The following MAPK6 variants were observed in gnomAD, a reference collection of about 807,000 sequenced individuals.
The protein encoded by MAPK6 is ERK-3.
A neutral mutation model predicts 59.3 loss-of-function variants in MAPK6; 19 were observed. The observed-to-expected ratio is 0.32, with a 90% CI of 0.22 to 0.47. The LOEUF (loss-of-function observed/expected upper bound fraction) is 0.47. Ranked by LOEUF, MAPK6 falls within the 20% of genes least tolerant of loss-of-function variation. MAPK6 has a pLI of 1.00. For synonymous variants in MAPK6, 316 were observed against 290.3 expected (o/e 1.09, Z -0.90); for missense variants, 724 against 847.9 (o/e 0.85, Z 1.81).
chr15:51,989,897 C>T (rs2141815410), intron 2 of MAPK6, among the ~76,000 whole-genome samples: 1 of 152,322 alleles, frequency 6.6e-6, no homozygotes, highest in East Asian at 1.9e-4. Flanking sequence ...AGCCATCACA[C>T]CCAGTTTAAA....
chr15:52,042,806 A>G (rs898966593), intron 1 of MAPK6: 1 of 152,198 alleles, frequency 6.6e-6, no homozygotes, highest in East Asian at 1.9e-4. Context: ...ACTGAGCTTT[A>G]AGGAATTGTC....
chr15:51,978,794 G>A (rs1176303730), intron 1 of MAPK6, among the ~76,000 whole-genome samples: 1 of 151,776 alleles, frequency 6.6e-6, no homozygotes, highest in East Asian at 1.9e-4. Flanking sequence ...CTATAACATA[G>A]ATTACATTAC....
intron 5 of MAPK6, among the ~76,000 whole-genome samples, chr15:52,062,238 G>A (rs761271466): frequency 4.0e-5 from 6 of 151,702 alleles, no homozygotes; most frequent in Non-Finnish European, 4.4e-5. Flanking sequence ...TGTTGGCCAG[G>A]CTGGTCTCGA....
chr15:52,027,818 G>A (rs2030865002), intron 1 of MAPK6: 1 of 151,564 alleles, frequency 6.6e-6, no homozygotes, highest in Non-Finnish European at 1.5e-5. Context: ...TGTTGGCCAG[G>A]TTGGAGTGCA....
At chr15:52,044,487 C>T (rs771653916) in intron 1 of MAPK6, among the ~76,000 whole-genome samples, 3 of 152,028 alleles carry the variant, frequency 2.0e-5, no homozygotes, top group Admixed American at 6.6e-5. Context: ...ATATATTAAA[C>T]GAATAAATTG....
intron 2 of MAPK6, among the ~76,000 whole-genome samples, chr15:52,001,082 T>G (rs1050686569): frequency 6.6e-6 from 1 of 152,168 alleles, no homozygotes; most frequent in African/African-American, 2.4e-5. Context: ...AAGAGGTGAC[T>G]GAGGCTATGA....
intron 2 of MAPK6, among the ~76,000 whole-genome samples, chr15:51,996,008 C>T (rs555782795): frequency 6.6e-6 from 1 of 152,126 alleles, no homozygotes; most frequent in Non-Finnish European, 1.5e-5. Context: ...CAGCTACCAC[C>T]GCTTTCAGCC....
chr15:51,974,734 G>A (rs866927712), intron 1 of MAPK6, among the ~76,000 whole-genome samples: 1 of 122,394 alleles, frequency 8.2e-6, no homozygotes, highest in South Asian at 2.9e-4. Flanking sequence ...TTCCCCCCCC[G>A]CAAGACAGAG....
chr15:52,015,907 A>C (rs2030224549), upstream of MAPK6, among the ~76,000 whole-genome samples: 1 of 74,052 alleles, frequency 1.4e-5, no homozygotes, highest in African/African-American at 5.1e-5. Flanking sequence ...AAAATGCAAA[A>C]ATTAGTTGGG....
At chr15:52,048,964 CTT>C (rs2031687800) in intron 2 of MAPK6, among the ~76,000 whole-genome samples, 1 of 152,084 alleles carries the variant, frequency 6.6e-6, no homozygotes. Flanking sequence ...ACTAATAAGA[CTT>C]ATACTATATA....
Position 52,063,917 on chromosome 15 carries a change from G to A in MAPK6, c.1083G>A (p.Gln361=). ...IYNWERYHDC[Q]FSEHDWPVHN... Reference sequence around the variant, plus strand: ...TTTTTTTCAGGTATCATGATTGTCAGTTTTCAGAGCATGATTGGCCTGTAC... The same window carrying A: ...TTTTTTTCAGGTATCATGATTGTCAATTTTCAGAGCATGATTGGCCTGTAC... Residue 361 remains glutamine (Q), a synonymous_variant, in exon 6 of 6, where the codon CAG becomes CAA. Transcript: ENST00000261845. The A allele has an allele frequency of 6.5e-7, 1 of 1,542,540 alleles. No homozygotes were observed. The highest frequency in any genetic ancestry group is 8.7e-7 in the Non-Finnish European group (1 of 1,145,142).
upstream of MAPK6, among the ~76,000 whole-genome samples, chr15:52,015,742 G>A (rs797007996): frequency 1.3e-4 from 19 of 148,858 alleles, no homozygotes; most frequent in African/African-American, 4.4e-4. Context: ...GTGAGTCCGC[G>A]CCCAGCCCAG....
At chr15:51,999,122 A>G (rs1026863008) in intron 2 of MAPK6, among the ~76,000 whole-genome samples, 3 of 151,874 alleles carry the variant, frequency 2.0e-5, no homozygotes, top group African/African-American at 7.3e-5. Context: ...CAGCCTCCAG[A>G]GTAGCTGAGA....
intron 2 of MAPK6, among the ~76,000 whole-genome samples, chr15:51,984,745 T>C (rs915121067): frequency 2.6e-4 from 39 of 152,066 alleles, no homozygotes; most frequent in Non-Finnish European, 7.4e-5. Context: ...CAAATATTCC[T>C]GCCATGGCTG....
chr15:52,049,841 G>A (rs890092322), intron 2 of MAPK6, 152 bp from the exon 3 acceptor site: 30 of 646,200 alleles, frequency 4.6e-5, no homozygotes, highest in African/African-American at 7.4e-5. Flanking sequence ...TCGAACTCCC[G>A]ACCTTGGGTG....
intron 1 of MAPK6, among the ~76,000 whole-genome samples, chr15:52,022,428 T>C (rs1251007863): frequency 6.6e-6 from 1 of 152,072 alleles, no homozygotes; most frequent in Non-Finnish European, 1.5e-5. Context: ...GCCTGGCTAG[T>C]TTTTCGTATT....
chr15:52,065,534 G>A lies in MAPK6; in HGVS notation c.*534G>A, dbSNP rs1336049481. 1.3e-5 allele frequency: 2 copies of A among 152,616 alleles called. No individual in the cohort carries two copies. Among genetic ancestry groups the A allele is most frequent in the East Asian group, 1.9e-4 (1 of 5,194 alleles). 9.5% of individuals were successfully genotyped at this position (152,616 alleles called of 1,614,324 possible). On this transcript the variant is annotated 3_prime_UTR_variant, in exon 6 of 6. Coordinates refer to ENST00000261845, the MANE Select transcript of MAPK6 (RefSeq NM_002748.4). ...TGTGGCAAAACATATACCACCCATA[G>A]TGCTTCACAAAATGCACTTCTATTT...
At chr15:52,038,156 G>GAAAAAA (rs35579384) in intron 1 of MAPK6, among the ~76,000 whole-genome samples, 1 of 145,278 alleles carries the variant, frequency 6.9e-6, no homozygotes, top group African/African-American at 2.6e-5. Flanking sequence ...GCTCAAGATT[G>GAAAAAA]AAAAAAAAAA....
chr15:52,018,190 G>A (rs2030333957), upstream of MAPK6, among the ~76,000 whole-genome samples: 2 of 151,512 alleles, frequency 1.3e-5, no homozygotes, highest in African/African-American at 4.8e-5. Context: ...ACCACACCCG[G>A]CTACTTTTTG....
Sources: gnomAD v4.1 joint callset for allele counts (sites outside exome capture counted in the v4.1 genomes callset) on GRCh38, gnomAD v4.1.1 for gene constraint, MANE v1.5 for transcripts, NCBI Gene and HGNC (gene_info 2026-07-23, HGNC 2026-07-21) for gene names.